FBXO36: variants seen among roughly 807,000 people sequenced by gnomAD.
The protein encoded by FBXO36 is F-box protein 36.
FBXO36 carries 18 observed loss-of-function variants against 17.0 expected under a neutral mutation model. That is an observed-to-expected ratio of 1.06 (90% CI 0.73 to 1.57). FBXO36 has a LOEUF of 1.57. FBXO36 is among the 40% of genes most tolerant of loss of function. The pLI is 0.00. For missense variants in FBXO36, 229 were observed against 221.9 expected (o/e 1.03, Z -0.20); for synonymous variants, 83 against 85.3 (o/e 0.97, Z 0.15).
chr2:229,953,230 T>C (rs1158278862), intron 1 of FBXO36, among the ~76,000 whole-genome samples: 4 of 151,804 alleles, frequency 2.6e-5, no homozygotes, highest in African/African-American at 9.7e-5. Context: ...TCCCAGCTAC[T>C]TGGAAGGCTG....
chr2:230,004,880 C>G (rs189095450), intron 3 of FBXO36, among the ~76,000 whole-genome samples: 3 of 152,214 alleles, frequency 2.0e-5, no homozygotes, highest in Admixed American at 2.0e-4. Flanking sequence ...GTGGCACACA[C>G]CTGTAATCCC....
intron 3 of FBXO36, among the ~76,000 whole-genome samples, chr2:230,005,348 G>C (rs1233099388): frequency 2.6e-5 from 4 of 152,078 alleles, no homozygotes; most frequent in African/African-American, 9.7e-5. Context: ...CAGTCCTCCT[G>C]CCTCGGCCTT....
intron 2 of FBXO36, among the ~76,000 whole-genome samples, chr2:229,981,046 T>G (rs1389098176): frequency 6.6e-6 from 1 of 152,176 alleles, no homozygotes; most frequent in Non-Finnish European, 1.5e-5. Flanking sequence ...TAGCACAGAC[T>G]GGGACTCAGT....
chr2:229,998,493 A>G (rs1054725080), intron 3 of FBXO36, among the ~76,000 whole-genome samples: 9 of 152,112 alleles, frequency 5.9e-5, no homozygotes, highest in African/African-American at 1.9e-4. Flanking sequence ...GTGGTAGCAC[A>G]TGCCTGTAAT....
intron 3 of FBXO36, among the ~76,000 whole-genome samples, chr2:230,002,669 C>T (rs1246734272): frequency 6.6e-6 from 1 of 152,140 alleles, no homozygotes; most frequent in Non-Finnish European, 1.5e-5. Context: ...CAGGCATGCG[C>T]CACCATGCCC....
chr2:229,924,396 T>G (rs1222427105), intron 1 of FBXO36, among the ~76,000 whole-genome samples: 1 of 152,176 alleles, frequency 6.6e-6, no homozygotes, highest in Admixed American at 6.5e-5. Flanking sequence ...CCTGGCTGGC[T>G]TTAAGATTTA....
At chr2:229,950,813 G>A (rs993698498) in intron 1 of FBXO36, among the ~76,000 whole-genome samples, 5 of 148,308 alleles carry the variant, frequency 3.4e-5, no homozygotes, top group African/African-American at 7.5e-5. Flanking sequence ...CTGGAGTGCA[G>A]TGGGGTGATC....
intron 1 of FBXO36, among the ~76,000 whole-genome samples, chr2:229,967,009 G>T (rs1349292091): frequency 6.6e-6 from 1 of 152,186 alleles, no homozygotes; most frequent in Non-Finnish European, 1.5e-5. Context: ...CTACCCATGA[G>T]CATGGAATGT....
intron 2 of FBXO36, among the ~76,000 whole-genome samples, chr2:229,981,032 A>T (rs1008287758): frequency 2.0e-5 from 3 of 152,144 alleles, no homozygotes; most frequent in African/African-American, 7.2e-5. Flanking sequence ...AGGAGGGTTC[A>T]TGGTAGCACA....
chr2:229,990,141 C>T (rs1049881540), intron 2 of FBXO36, among the ~76,000 whole-genome samples: 1 of 151,430 alleles, frequency 6.6e-6, no homozygotes, highest in African/African-American at 2.4e-5. Context: ...CTCCATATTC[C>T]AGAACTCCTT....
intron 1 of FBXO36, among the ~76,000 whole-genome samples, chr2:229,925,936 G>T (rs2076909637): frequency 6.6e-6 from 1 of 151,878 alleles, no homozygotes; most frequent in South Asian, 2.1e-4. Flanking sequence ...TCTCGAAGCT[G>T]ATCTTTATAA....
At chr2:229,938,531 C>T (rs970001839) in intron 1 of FBXO36, among the ~76,000 whole-genome samples, 1 of 147,060 alleles carries the variant, frequency 6.8e-6, no homozygotes, top group African/African-American at 2.5e-5. Context: ...GTCGCCCAGG[C>T]TGGTATGCAA....
intron 1 of FBXO36, among the ~76,000 whole-genome samples, chr2:229,957,385 T>A (rs1342633441): frequency 6.6e-6 from 1 of 152,204 alleles, no homozygotes; most frequent in African/African-American, 2.4e-5. Flanking sequence ...GAGACTAGCC[T>A]GGCCAACATG....
rs116676499 is a variant in FBXO36 at position 229,931,410 on chromosome 2, C to T, written c.96+8801C>T. Reference sequence around the variant, plus strand: ...CACTTAATTGGAAGTCACTGAGTCACGGATCCTTTCATTCCTCCTGCAGTC... The same window carrying T: ...CACTTAATTGGAAGTCACTGAGTCATGGATCCTTTCATTCCTCCTGCAGTC... On this transcript the variant is annotated intron_variant, in intron 1 of 3. Transcript: ENST00000283946. Among the ~76,000 whole-genome samples the T allele has an allele frequency of 5.3e-5, 8 of 152,276 alleles. No homozygotes were observed. In the East Asian group the frequency reaches 1.2e-3, roughly 22 times the overall value.
intron 2 of FBXO36, among the ~76,000 whole-genome samples, chr2:229,987,434 C>A (rs529934925): frequency 5.3e-5 from 8 of 151,858 alleles, no homozygotes; most frequent in Non-Finnish European, 1.0e-4. Context: ...ATTAATCTTG[C>A]CAGGGGTTTA....
chr2:229,947,590 C>A (rs1368912138), intron 1 of FBXO36, among the ~76,000 whole-genome samples: 2 of 152,158 alleles, frequency 1.3e-5, no homozygotes, highest in African/African-American at 4.8e-5. Flanking sequence ...AGTTTAAGCC[C>A]ATGGAGGCAG....
Position 230,011,022 on chromosome 2 carries a change from G to A in FBXO36, c.*138G>A. ...GCCATTTGAAACTCGTAGGGGATTT[G>A]CACACAAATGCAGCAGAGTCTGGCT... On this transcript the variant is annotated 3_prime_UTR_variant, in exon 4 of 4. Coordinates refer to ENST00000283946, the MANE Select transcript of FBXO36 (RefSeq NM_174899.5). The A allele has an allele frequency of 1.1e-6, 1 of 900,052 alleles. No homozygotes were observed. The highest frequency in any genetic ancestry group is 1.6e-6 in the Non-Finnish European group (1 of 611,462). 55.8% of individuals were successfully genotyped at this position (900,052 alleles called of 1,614,324 possible).
In FBXO36 at chr2:229,941,819, C is replaced by A. The variant is rs544613660; in HGVS notation, c.96+19210C>A. Among the ~76,000 whole-genome samples, 16 of 152,218 alleles carry A rather than the reference C, an allele frequency of 1.1e-4. 2 individuals carry two copies. The South Asian group carries it at 3.3e-3, about 32-fold the overall frequency. On this transcript the variant is annotated intron_variant, in intron 1 of 3. Coordinates refer to ENST00000283946, the MANE Select transcript of FBXO36 (RefSeq NM_174899.5). ...ATCACTTGAGGTCATGAGCTCAAGA[C>A]CAGCTTGGCCAACATGGCGAAACCC...
chr2:229,996,683 T>G, intron 2 of FBXO36, 68 bp from the exon 3 acceptor site: 1 of 1,486,604 alleles, frequency 6.7e-7, no homozygotes, highest in Non-Finnish European at 9.1e-7. Context: ...AGCTTGTATT[T>G]CACTGATTGT....
Sources: gnomAD v4.1 joint callset for allele counts (sites outside exome capture counted in the v4.1 genomes callset) on GRCh38, gnomAD v4.1.1 for gene constraint, MANE v1.5 for transcripts, NCBI Gene and HGNC (gene_info 2026-07-23, HGNC 2026-07-21) for gene names.